The following TRHDE variants were observed in gnomAD, a reference collection of about 807,000 sequenced individuals.
TRHDE encodes thyrotropin-releasing hormone-degrading ectoenzyme.
In TRHDE, 72 loss-of-function variants were observed where a neutral mutation model predicts 125.7. The observed-to-expected ratio is 0.57, with a 90% CI of 0.47 to 0.70. TRHDE has a LOEUF of 0.70. Ranked by LOEUF, TRHDE falls within the 30% of genes least tolerant of loss-of-function variation. The probability of loss-of-function intolerance (pLI) is 0.00; values close to 1 mark genes in which losing one functional copy is unlikely to be tolerated. For synonymous variants in TRHDE, 509 were observed against 509.1 expected (o/e 1.00, Z 0.00); for missense variants, 1,110 against 1,327.1 (o/e 0.84, Z 2.54).
intron 3 of TRHDE, among the ~76,000 whole-genome samples, chr12:72,403,144 A>G (rs1873117409): frequency 6.6e-6 from 1 of 152,160 alleles, no homozygotes; most frequent in South Asian, 2.1e-4. Context: ...CTCTCTCAGG[A>G]AGCTGACAAT....
chr12:72,114,559 C>T (rs1051255389), intron 2 of TRHDE, among the ~76,000 whole-genome samples: 3 of 152,164 alleles, frequency 2.0e-5, no homozygotes, highest in South Asian at 2.1e-4. Context: ...ATATTGTCTT[C>T]GCATTGAGTA....
intron 12 of TRHDE, among the ~76,000 whole-genome samples, chr12:72,609,307 A>G (rs114671577): frequency 6.6e-6 from 1 of 152,244 alleles, no homozygotes; most frequent in East Asian, 1.9e-4. Flanking sequence ...AAACATGTAT[A>G]TAACCACAAT....
intron 2 of TRHDE, among the ~76,000 whole-genome samples, chr12:72,363,294 C>G (rs1237845346): frequency 1.7e-5 from 2 of 120,386 alleles, no homozygotes; most frequent in Non-Finnish European, 3.5e-5. Context: ...CATCCTGATA[C>G]CAAAGCTGGG....
chr12:72,093,433 T>G, intron 1 of TRHDE, among the ~76,000 whole-genome samples: 1 of 152,180 alleles, frequency 6.6e-6, no homozygotes, highest in East Asian at 1.9e-4. Flanking sequence ...TTCTTCCTTT[T>G]CCTGCTGGAA....
intron 12 of TRHDE, among the ~76,000 whole-genome samples, chr12:72,607,512 GT>G (rs61268572): frequency 0.34 from 50,562 of 150,742 alleles, 11,330 homozygotes; most frequent in African/African-American, 0.63. Context: ...CAGTGATACA[GT>G]TTTTTTTAAA....
chr12:72,583,878 T>C (rs1871335280), intron 12 of TRHDE, among the ~76,000 whole-genome samples: 2 of 149,472 alleles, frequency 1.3e-5, no homozygotes, highest in Admixed American at 6.7e-5. Flanking sequence ...AGTACAAATC[T>C]CCTGAGGCAT....
chr12:72,358,103 G>A (rs1050931988), intron 2 of TRHDE, among the ~76,000 whole-genome samples: 3 of 151,552 alleles, frequency 2.0e-5, no homozygotes, highest in African/African-American at 7.3e-5. Flanking sequence ...TAACCTATAA[G>A]GAGATAGTGT....
intron 15 of TRHDE, among the ~76,000 whole-genome samples, chr12:72,640,475 C>T (rs1376208119): frequency 2.0e-5 from 3 of 152,226 alleles, no homozygotes; most frequent in Non-Finnish European, 4.4e-5. Flanking sequence ...CTGCATCGCT[C>T]ACACTGGGAG....
chr12:72,322,243 C>T (rs1869129199), intron 2 of TRHDE, among the ~76,000 whole-genome samples: 1 of 152,056 alleles, frequency 6.6e-6, no homozygotes, highest in Non-Finnish European at 1.5e-5. Flanking sequence ...ATGCTGTAAA[C>T]AGGTATTCTT....
At chr12:72,652,602 T>C (rs1874550061) in intron 16 of TRHDE, 113 bp downstream of exon 16, 1 of 734,534 alleles carries the variant, frequency 1.4e-6, no homozygotes, top group Admixed American at 3.3e-5. Context: ...TTAAAATATA[T>C]CTTCCTAAAC....
At chr12:72,592,993 G>A (rs2367746) in intron 12 of TRHDE, among the ~76,000 whole-genome samples, 36,049 of 151,940 alleles carry the variant, frequency 0.24, 6,050 homozygotes, top group East Asian at 0.54. Flanking sequence ...GATTACAGGC[G>A]TGAGCCACCG....
At chr12:72,321,838 G>A (rs1392820739) in intron 2 of TRHDE, among the ~76,000 whole-genome samples, 1 of 151,840 alleles carries the variant, frequency 6.6e-6, no homozygotes, top group African/African-American at 2.4e-5. Context: ...GGTGCTCTCT[G>A]CCTAGTTGTG....
intron 4 of TRHDE, among the ~76,000 whole-genome samples, chr12:72,470,342 C>T (rs1294511878): frequency 1.3e-5 from 2 of 152,298 alleles, no homozygotes; most frequent in African/African-American, 4.8e-5. Context: ...TTGTTATTCC[C>T]CTTTTCCCAC....
Position 72,621,737 on chromosome 12 carries a change from C to T in TRHDE, c.2661C>T (p.Ser887=). The T allele has an allele frequency of 6.2e-7, 1 of 1,603,218 alleles. No individual in the cohort carries two copies. Among genetic ancestry groups the T allele is most frequent in the African/African-American group, 1.4e-5 (1 of 73,818 alleles). The change falls in exon 15 of 19, where the codon TCC becomes TCT. Residue 887 remains serine, a synonymous_variant. Transcript: ENST00000261180. ...CAACACTTATTTCAGATTGGATTTC[C>T]AGCAACAGGAACAGGTAAACTGAGC... ...QASTLISDWI[S]SNRNRIPLNV... is the part of the protein sequence containing the mutation.
chr12:72,443,560 A>T (rs1033730156), intron 3 of TRHDE, among the ~76,000 whole-genome samples: 10 of 151,830 alleles, frequency 6.6e-5, no homozygotes, highest in African/African-American at 2.2e-4. Flanking sequence ...CTGGTTAAAA[A>T]TAAGGAAAAC....
intron 2 of TRHDE, among the ~76,000 whole-genome samples, chr12:72,375,449 C>T (rs565077267): frequency 1.2e-4 from 19 of 152,200 alleles, no homozygotes; most frequent in African/African-American, 4.6e-4. Context: ...AATTGTGTTT[C>T]TTTTGTCTGG....
At chr12:72,516,679 A>G (rs552250673) in intron 6 of TRHDE, among the ~76,000 whole-genome samples, 171 of 151,054 alleles carry the variant, frequency 1.1e-3, no homozygotes, top group African/African-American at 4.0e-3. Context: ...TTCCAACACT[A>G]TGTTGAATAG....
intron 3 of TRHDE, among the ~76,000 whole-genome samples, chr12:72,400,905 C>A (rs764092270): frequency 1.3e-5 from 2 of 152,002 alleles, no homozygotes; most frequent in Non-Finnish European, 2.9e-5. Context: ...AAAATAATTT[C>A]TTCTTCTTGG....
At chr12:72,378,814 C>T (rs746491453) in intron 3 of TRHDE, among the ~76,000 whole-genome samples, 62 of 152,052 alleles carry the variant, frequency 4.1e-4, no homozygotes, top group Non-Finnish European at 7.2e-4. Context: ...TGGTAATTGT[C>T]GGTCAAATGC....
Sources: gnomAD v4.1 joint callset for allele counts (sites outside exome capture counted in the v4.1 genomes callset) on GRCh38, gnomAD v4.1.1 for gene constraint, MANE v1.5 for transcripts, NCBI Gene and HGNC (gene_info 2026-07-23, HGNC 2026-07-21) for gene names.